The following PTPRA variants were observed in gnomAD, a reference collection of about 807,000 sequenced individuals.
The protein encoded by PTPRA is receptor-type tyrosine-protein phosphatase alpha.
A neutral mutation model predicts 104.8 loss-of-function variants in PTPRA; 25 were observed. The ratio of observed to expected loss-of-function variants is 0.24; its 90% CI spans 0.17 to 0.33. PTPRA has a LOEUF of 0.33. Among genes scored for constraint, PTPRA ranks in the 10% least tolerant of loss-of-function variants. PTPRA has a pLI of 1.00. For missense variants in PTPRA, 765 were observed against 1,015.3 expected (o/e 0.75, Z 3.35); for synonymous variants, 323 against 368.9 (o/e 0.88, Z 1.43).
At chr20:2,866,579 T>C in the PTPRA span, 1 of 1,613,612 alleles carries the variant, frequency 6.2e-7, no homozygotes, top group Non-Finnish European at 8.5e-7. Flanking sequence ...AAGTGAGGAG[T>C]CCATCCTGTA....
chr20:2,886,785 G>T (rs892110332), intron 1 of PTPRA, among the ~76,000 whole-genome samples: 1 of 151,380 alleles, frequency 6.6e-6, no homozygotes, highest in Non-Finnish European at 1.5e-5. Context: ...TAACCTGGGA[G>T]GTGGAGGTTG....
chr20:3,026,633 T>C (rs2065158928), intron 17 of PTPRA, 54 bp from the exon 18 acceptor site: 1 of 1,417,722 alleles, frequency 7.1e-7, no homozygotes, highest in Non-Finnish European at 1.0e-6. Context: ...GGCATAATCT[T>C]GTCAAGTTCA....
chr20:2,943,415 C>T (rs1351860461), intron 2 of PTPRA, among the ~76,000 whole-genome samples: 1 of 152,056 alleles, frequency 6.6e-6, no homozygotes, highest in Non-Finnish European at 1.5e-5. Context: ...TTCCCTCTTG[C>T]GTGGGGAAGG....
intron 1 of PTPRA, among the ~76,000 whole-genome samples, chr20:2,897,190 C>A (rs560356458): frequency 2.0e-4 from 30 of 152,130 alleles, no homozygotes; most frequent in Non-Finnish European, 3.5e-4. Flanking sequence ...TTCATACTTA[C>A]TGGTTAGTAA....
chr20:2,915,318 A>G (rs146092458), intron 1 of PTPRA, among the ~76,000 whole-genome samples: 76 of 152,288 alleles, frequency 5.0e-4, no homozygotes, highest in African/African-American at 1.7e-3. Flanking sequence ...TTGTTTATCT[A>G]TTCATCCAAT....
At chr20:2,865,014 G>T in the PTPRA span, 3 of 1,614,106 alleles carry the variant, frequency 1.9e-6, no homozygotes, top group African/African-American at 2.7e-5. The surrounding 1 kb of genome is among the most constrained non-coding windows in gnomAD (Gnocchi z 5.2). Flanking sequence ...GCAGACAGCC[G>T]CCGATGCCTT....
intron 2 of PTPRA, among the ~76,000 whole-genome samples, chr20:2,927,334 A>G (rs1313458636): frequency 1.3e-5 from 2 of 152,242 alleles, no homozygotes; most frequent in African/African-American, 4.8e-5. Flanking sequence ...GAGAAAATGA[A>G]GAAAAAGTGA....
intron 3 of PTPRA, among the ~76,000 whole-genome samples, chr20:2,960,848 C>A (rs916320945): frequency 3.5e-5 from 5 of 142,068 alleles, no homozygotes; most frequent in Non-Finnish European, 7.7e-5. Flanking sequence ...TTTTTATTTT[C>A]TTTTTTTTTT....
chr20:2,917,488 A>G (rs1198219961), intron 1 of PTPRA, among the ~76,000 whole-genome samples: 2 of 152,082 alleles, frequency 1.3e-5, no homozygotes, highest in Non-Finnish European at 1.5e-5. Context: ...CCTGGGCCCA[A>G]TACAGAGGTC....
intron 1 of PTPRA, among the ~76,000 whole-genome samples, chr20:2,896,707 C>G (rs1037760143): frequency 1.3e-5 from 2 of 152,172 alleles, no homozygotes; most frequent in African/African-American, 4.8e-5. Flanking sequence ...ACAGACCCTA[C>G]TCAAATTTCA....
chr20:3,007,461 C>T, intron 11 of PTPRA, 41 bp downstream of exon 11: 2 of 1,565,244 alleles, frequency 1.3e-6, no homozygotes, highest in Non-Finnish European at 1.8e-6. Flanking sequence ...CCTGCCTGAC[C>T]ATTGCCACTA....
intron 11 of PTPRA, among the ~76,000 whole-genome samples, chr20:3,015,303 C>CT (rs778457233): frequency 0.11 from 14,399 of 134,576 alleles, 1,010 homozygotes; most frequent in African/African-American, 0.16. Context: ...CTTTCTTTTT[C>CT]TTTTTTTTTT....
In PTPRA at chr20:2,964,955, A is replaced by G. The variant is rs2061891716; in HGVS notation, c.168A>G (p.Leu56=). The G allele has an allele frequency of 1.2e-6, 2 of 1,613,864 alleles. No individual in the cohort carries two copies. The highest frequency in any genetic ancestry group is 1.1e-5 in the South Asian group (1 of 91,074). ...AAACTTCAAATCCAACTTCTTCACTAACTTCTCTTTCTGTGGCACCAACAT... is the reference window on the plus strand; with the variant it reads ...AAACTTCAAATCCAACTTCTTCACTGACTTCTCTTTCTGTGGCACCAACAT... The part of the protein sequence containing the change: ...EAKTSNPTSS[L]TSLSVAPTFS... Residue 56 remains leucine, a synonymous_variant, in exon 5 of 24, where the codon CTA becomes CTG. Transcript: ENST00000399903.
chr20:2,901,926 C>T (rs893257751), intron 1 of PTPRA, among the ~76,000 whole-genome samples: 20 of 151,576 alleles, frequency 1.3e-4, no homozygotes, highest in Non-Finnish European at 2.2e-4. Context: ...CGCTCTGTCA[C>T]CCAGGCTAGA....
intron 2 of PTPRA, among the ~76,000 whole-genome samples, chr20:2,934,159 A>G (rs1017889095): frequency 3.3e-5 from 5 of 152,210 alleles, no homozygotes; most frequent in African/African-American, 1.2e-4. Flanking sequence ...GCTGGAGTAC[A>G]GTGGCACAAT....
At chr20:2,865,192 A>C in the PTPRA span, 1 of 1,614,126 alleles carries the variant, frequency 6.2e-7, no homozygotes, top group South Asian at 1.1e-5. This position sits in a 1 kb window ranked among gnomAD's most constrained non-coding sequence, Gnocchi z 5.2. Context: ...AGCGGCGCCT[A>C]GAAGACGAGC....
At chr20:3,033,246 A>G (rs373651472) in intron 20 of PTPRA, among the ~76,000 whole-genome samples, 117 of 151,600 alleles carry the variant, frequency 7.7e-4, no homozygotes, top group African/African-American at 2.5e-3. Context: ...CCCCGACACC[A>G]GTCCACCCCA....
chr20:2,900,107 C>T (rs1024715263), intron 1 of PTPRA, among the ~76,000 whole-genome samples: 1 of 139,254 alleles, frequency 7.2e-6, no homozygotes, highest in East Asian at 2.3e-4. Context: ...GAGACTCCAT[C>T]TCAAAAACAA....
At chr20:2,895,612 G>A (rs1032904058) in intron 1 of PTPRA, among the ~76,000 whole-genome samples, 7 of 152,090 alleles carry the variant, frequency 4.6e-5, no homozygotes, top group Non-Finnish European at 7.4e-5. Flanking sequence ...AGCCTCCTGC[G>A]TTCAAGCAAT....
Sources: allele counts gnomAD v4.1 joint callset (sites outside exome capture counted in the v4.1 genomes callset), GRCh38; gene constraint gnomAD v4.1.1; non-coding constraint Gnocchi (gnomAD v3.1); transcripts MANE v1.5; gene names NCBI Gene and HGNC (gene_info 2026-07-23, HGNC 2026-07-21).